The following MEIS1 variants were observed in gnomAD, a reference collection of about 807,000 sequenced individuals.
The protein encoded by MEIS1 is Meis homeobox 1.
Under a neutral mutation model 50.8 loss-of-function variants are expected in MEIS1, and 5 were observed. The observed-to-expected ratio is 0.10, with a 90% CI of 0.05 to 0.21. The LOEUF is 0.21. Among genes scored for constraint, MEIS1 ranks in the 10% least tolerant of loss-of-function variants. The pLI is 1.00. For synonymous variants in MEIS1, 176 were observed against 179.3 expected (o/e 0.98, Z 0.15); for missense variants, 318 against 517.3 (o/e 0.61, Z 3.74).
At chr2:66,539,524 C>T (rs1017086226) in intron 8 of MEIS1, among the ~76,000 whole-genome samples, 1 of 152,166 alleles carries the variant, frequency 6.6e-6, no homozygotes, top group Non-Finnish European at 1.5e-5. Context: ...AATTCCAGCT[C>T]TACTACTTAC....
At chr2:66,461,366 G>GA (rs1255075190) in intron 6 of MEIS1, among the ~76,000 whole-genome samples, 1 of 152,150 alleles carries the variant, frequency 6.6e-6, no homozygotes, top group Admixed American at 6.5e-5. Flanking sequence ...AGCTATTTCT[G>GA]ATACTTAGAC....
intron 8 of MEIS1, among the ~76,000 whole-genome samples, chr2:66,538,698 A>T (rs1321767887): frequency 2.0e-5 from 3 of 152,184 alleles, no homozygotes; most frequent in African/African-American, 7.2e-5. Context: ...AAATGTAATG[A>T]TTTTGAATGT....
At chr2:66,484,635 T>C (rs1461289707) in intron 7 of MEIS1, among the ~76,000 whole-genome samples, 1 of 152,152 alleles carries the variant, frequency 6.6e-6, no homozygotes, top group Non-Finnish European at 1.5e-5. Flanking sequence ...TTTGGCTCAC[T>C]GCAACCTCTC....
At chr2:66,541,048 A>T (rs975476932) in intron 8 of MEIS1, among the ~76,000 whole-genome samples, 27 of 149,114 alleles carry the variant, frequency 1.8e-4, no homozygotes, top group African/African-American at 5.4e-4. Flanking sequence ...TTTATTTTTT[A>T]TTTTTTTTTG....
At chr2:66,531,578 A>G (rs1674390988) in intron 8 of MEIS1, among the ~76,000 whole-genome samples, 1 of 152,194 alleles carries the variant, frequency 6.6e-6, no homozygotes, top group Admixed American at 6.5e-5. Flanking sequence ...TATTGCGGAC[A>G]TTTCTGCCCT....
chr2:66,455,998 A>T (rs1672378727), intron 6 of MEIS1, among the ~76,000 whole-genome samples: 1 of 152,160 alleles, frequency 6.6e-6, no homozygotes, highest in African/African-American at 2.4e-5. Flanking sequence ...AAAACTTTTC[A>T]CTTAAAGATG....
intron 9 of MEIS1, among the ~76,000 whole-genome samples, chr2:66,557,972 A>G (rs1234307327): frequency 6.6e-6 from 1 of 152,110 alleles, no homozygotes; most frequent in African/African-American, 2.4e-5. Flanking sequence ...GATAATTACG[A>G]GTGATGTTCA....
intron 6 of MEIS1, among the ~76,000 whole-genome samples, chr2:66,455,405 TAAAGAATTGGGCAA>T (rs1672365360): frequency 6.6e-6 from 1 of 152,192 alleles, no homozygotes; most frequent in Non-Finnish European, 1.5e-5. Flanking sequence ...TTGTCAAAGT[TAAAGAATTGGGCAA>T]AAAGTATCAG....
At chr2:66,499,333 T>A (rs987335168) in intron 7 of MEIS1, among the ~76,000 whole-genome samples, 9 of 152,194 alleles carry the variant, frequency 5.9e-5, no homozygotes, top group Non-Finnish European at 1.0e-4. Flanking sequence ...TCACTTTGTC[T>A]GCAAAGAAAT....
chr2:66,554,117 C>T (rs945821370), intron 9 of MEIS1, among the ~76,000 whole-genome samples: 2 of 152,190 alleles, frequency 1.3e-5, no homozygotes, highest in African/African-American at 4.8e-5. Flanking sequence ...TGTCGGGACC[C>T]TGTAGGGTTG....
chr2:66,542,384 A>G (rs1273777654), intron 8 of MEIS1, among the ~76,000 whole-genome samples: 1 of 152,156 alleles, frequency 6.6e-6, no homozygotes, highest in South Asian at 2.1e-4. Flanking sequence ...GGAGGAGGCA[A>G]AGGGCTGGAG....
intron 7 of MEIS1, among the ~76,000 whole-genome samples, chr2:66,483,293 G>A (rs1673063074): frequency 6.8e-6 from 1 of 147,760 alleles, no homozygotes; most frequent in African/African-American, 2.5e-5. Flanking sequence ...GGCAGGTCTC[G>A]AACTCCTGAG....
chr2:66,514,772 A>G (rs890502649), intron 8 of MEIS1, among the ~76,000 whole-genome samples: 2 of 152,194 alleles, frequency 1.3e-5, no homozygotes, highest in Non-Finnish European at 2.9e-5. Context: ...CCAATGAAAA[A>G]GATTCCTTCC....
intron 9 of MEIS1, among the ~76,000 whole-genome samples, chr2:66,559,741 G>C (rs910026558): frequency 2.0e-5 from 3 of 151,940 alleles, no homozygotes; most frequent in Non-Finnish European, 4.4e-5. Context: ...GCTCCATAAG[G>C]TTATACAAAC....
chr2:66,492,342 T>C (rs1400399667), intron 7 of MEIS1, among the ~76,000 whole-genome samples: 4 of 152,058 alleles, frequency 2.6e-5, no homozygotes, highest in African/African-American at 4.8e-5. Context: ...TTTGGGCCTG[T>C]GAGTACAGGA....
chr2:66,569,521 G>C (rs895744880), intron 12 of MEIS1: 1 of 155,508 alleles, frequency 6.4e-6, no homozygotes, highest in Admixed American at 6.4e-5. Flanking sequence ...AACCGCAGTT[G>C]ATGCATGAGT....
At chr2:66,470,939 T>A (rs776496380) in intron 7 of MEIS1, among the ~76,000 whole-genome samples, 1 of 152,262 alleles carries the variant, frequency 6.6e-6, no homozygotes, top group East Asian at 1.9e-4. Flanking sequence ...GCTTTACTTA[T>A]GAGCTTATTA....
chr2:66,525,886 G>C (rs1674238316), intron 8 of MEIS1, among the ~76,000 whole-genome samples: 1 of 152,246 alleles, frequency 6.6e-6, no homozygotes, highest in Non-Finnish European at 1.5e-5. Context: ...CTAGCTCCTA[G>C]ACTCCTGCAG....
chr2:66,570,402 T>C (rs1675455616), intron 12 of MEIS1: 1 of 152,214 alleles, frequency 6.6e-6, no homozygotes, highest in African/African-American at 2.4e-5. Flanking sequence ...GTGGGTACAG[T>C]ATATTTTATA....
Sources: gnomAD v4.1 joint callset for allele counts (sites outside exome capture counted in the v4.1 genomes callset) on GRCh38, gnomAD v4.1.1 for gene constraint, MANE v1.5 for transcripts, NCBI Gene and HGNC (gene_info 2026-07-23, HGNC 2026-07-21) for gene names.